The following PFKM variants were observed in gnomAD, a reference collection of about 807,000 sequenced individuals.
The protein encoded by PFKM is phosphofructokinase, muscle.
Under a neutral mutation model 95.5 loss-of-function variants are expected in PFKM, and 58 were observed. The observed-to-expected ratio is 0.61, with a 90% CI of 0.49 to 0.76. The LOEUF is 0.76. Among genes scored for constraint, PFKM ranks in the 30% least tolerant of loss-of-function variants. The pLI is 0.00. For synonymous variants in PFKM, 336 were observed against 357.2 expected, an observed-to-expected ratio of 0.94 and a Z score of 0.67; for missense variants, 678 against 1,005.4, an observed-to-expected ratio of 0.67 and a Z score of 4.40.
intron 13 of PFKM, 38 bp from the exon 14 acceptor site, chr12:48,140,684 G>A: frequency 6.2e-7 from 1 of 1,612,776 alleles, no homozygotes; most frequent in Non-Finnish European, 8.5e-7. Flanking sequence ...CCCCTGCTGG[G>A]TTTCTGTCCT....
At chr12:48,117,409 A>G (rs1565849615), upstream of PFKM, among the ~76,000 whole-genome samples, 2 of 152,254 alleles carry the variant, frequency 1.3e-5, no homozygotes, top group Admixed American at 1.3e-4. Context: ...AAAACTGTCA[A>G]ACTGTCTTCT....
intron 1 of PFKM, among the ~76,000 whole-genome samples, chr12:48,119,617 T>G (rs2137767809): frequency 7.0e-6 from 1 of 142,810 alleles, no homozygotes; most frequent in African/African-American, 2.6e-5. Flanking sequence ...CAGGCTCAGC[T>G]GCATTCCCCA....
At chr12:48,134,916 A>T in intron 8 of PFKM, 27 bp from the exon 9 acceptor site, 1 of 1,603,850 alleles carries the variant, frequency 6.2e-7, no homozygotes. Flanking sequence ...CATTCCATGG[A>T]CCATTTTACC....
rs909452508 is a variant in PFKM at position 48,139,992 on chromosome 12, TACA to T, written c.1191+84_1191+86del. On this transcript the variant is annotated intron_variant, in intron 13 of 22. Coordinates refer to ENST00000359794, the MANE Select transcript of PFKM (RefSeq NM_000289.6). ...TCTTCATAAATGCTACCACAGTCCA[TACA>T]ACATAAGCCTTGCCAACTTCTCTGC... 6 of 935,458 alleles carry T rather than the reference TACA, an allele frequency of 6.4e-6. No individual in the cohort carries two copies. The African/African-American group carries it at 9.7e-5, about 15-fold the overall frequency. 57.9% of individuals were successfully genotyped at this position (935,458 alleles called of 1,614,324 possible).
At chr12:48,127,095 T>G (rs1280307183) in intron 2 of PFKM, among the ~76,000 whole-genome samples, 1 of 152,216 alleles carries the variant, frequency 6.6e-6, no homozygotes, top group Non-Finnish European at 1.5e-5. Context: ...GCCCAAACTT[T>G]CAGGCCTTAC....
chr12:48,131,316 G>A lies in PFKM; in HGVS notation c.160G>A (p.Gly54Ser). The A allele has an allele frequency of 6.2e-7, 1 of 1,607,896 alleles. No individual in the cohort carries two copies. The highest frequency in any genetic ancestry group is 8.5e-7 in the Non-Finnish European group (1 of 1,174,390). The change falls in exon 4 of 23, where the codon GGT (glycine) becomes AGT (serine). Residue 54 changes from glycine to serine, a missense_variant and splice_region_variant. Physicochemically the swap from Gly to Ser is moderately conservative, Grantham distance 56. Coordinates refer to ENST00000359794, the MANE Select transcript of PFKM (RefSeq NM_000289.6). ...TGARVFFVHEGYQGLVDGGDH... is the reference protein window; with the variant it reads ...TGARVFFVHESYQGLVDGGDH... ...TGAACAGGTATAATGTGTCACACAG[G>A]GTTATCAAGGCCTGGTGGATGGTGG... is the stretch of plus-strand genomic sequence containing the variant.
At position 48,140,825 on chromosome 12, in the gene PFKM, G is replaced by A. The variant is rs374824469; in HGVS notation, c.1295G>A (p.Arg432Gln). ...AGGATTGGCCTTATCCAGGGCAACC[G>A]AGTGCTCGTTGTCCATGATGGTTTC... is the stretch of plus-strand genomic sequence containing the variant. The part of the protein sequence containing the change: ...TVRIGLIQGN[R>Q]VLVVHDGFEG... The change falls in exon 14 of 23, where the codon CGA becomes CAA. Residue 432 changes from arginine to glutamine, a missense_variant. Transcript: ENST00000359794. The A allele has an allele frequency of 3.7e-6, 6 of 1,614,106 alleles. No homozygotes were observed. In the Admixed American group the frequency reaches 5.0e-5, roughly 13 times the overall value.
upstream of PFKM, among the ~76,000 whole-genome samples, chr12:48,117,721 C>T (rs772889854): frequency 5.3e-5 from 8 of 152,088 alleles, no homozygotes; most frequent in Non-Finnish European, 1.0e-4. Flanking sequence ...AGAGATTTAT[C>T]CTGAGCCAAA....
intron 17 of PFKM, 104 bp from the exon 18 acceptor site, chr12:48,142,678 A>G: frequency 1.8e-6 from 2 of 1,127,752 alleles, no homozygotes; most frequent in Non-Finnish European, 2.7e-6. Context: ...CTGCTAGCCT[A>G]TGGAGAATAT....
intron 10 of PFKM, among the ~76,000 whole-genome samples, chr12:48,135,926 G>T (rs78575533): frequency 0.26 from 36,841 of 139,514 alleles, 4,812 homozygotes; most frequent in Non-Finnish European, 0.31. Context: ...CATTGCACTC[G>T]CTCCCAGGCT....
chr12:48,108,151 G>A (rs754534807), exon 3 of PFKM: 7 of 1,598,620 alleles, frequency 4.4e-6, no homozygotes, highest in Middle Eastern at 1.7e-4. Context: ...TAGATACTAT[G>A]GATGATCCAG....
At chr12:48,106,057 G>T in exon 1 of PFKM, 1 of 702,390 alleles carries the variant, frequency 1.4e-6, no homozygotes, top group Non-Finnish European at 2.6e-6. Context: ...ATGCGAAGGG[G>T]TTTCCGGCCG....
rs200117091 is a variant in PFKM at position 48,137,846 on chromosome 12, G to T, written c.1062G>T (p.Val354=). The change falls in exon 11 of 23, where the codon GTG becomes GTT. Residue 354 remains valine, a splice_region_variant and synonymous_variant. Transcript: ENST00000359794. The part of the protein sequence containing the change: ...VRLPLMECVQ[V]TKDVTKAMDE... Reference sequence around the variant, plus strand: ...TGCCCCTCATGGAATGTGTCCAGGTGGTAAGTACTGATCCTAAACCCCTTT... The same window carrying T: ...TGCCCCTCATGGAATGTGTCCAGGTTGTAAGTACTGATCCTAAACCCCTTT... 8.9e-5 allele frequency: 144 copies of T among 1,613,998 alleles called. 1 individual carries two copies. The highest frequency in any genetic ancestry group is 2.5e-6 in the Non-Finnish European group (3 of 1,179,998).
At chr12:48,116,744 G>T (rs1947717564), upstream of PFKM, among the ~76,000 whole-genome samples, 1 of 152,192 alleles carries the variant, frequency 6.6e-6, no homozygotes, top group South Asian at 2.1e-4. Flanking sequence ...CTCCCAAAGT[G>T]CTGGGATTAC....
At chr12:48,137,554 A>T (rs1950211403) in intron 10 of PFKM, 167 bp from the exon 11 acceptor site, 1 of 722,426 alleles carries the variant, frequency 1.4e-6, no homozygotes, top group Admixed American at 2.2e-5. Context: ...CAAGCTTTAG[A>T]TGAAATCTGT....
In PFKM at chr12:48,122,772, A is replaced by C; in HGVS notation, c.-3A>C. The C allele has an allele frequency of 6.2e-7, 1 of 1,614,032 alleles. No homozygotes were observed. The highest frequency in any genetic ancestry group is 8.5e-7 in the Non-Finnish European group (1 of 1,179,924). On this transcript the variant is annotated 5_prime_UTR_variant, in exon 2 of 23. Transcript: ENST00000359794. ...ACCATTGTCTTAAATTCTAGAGTGG[A>C]TCATGACCCATGAAGAGCACCATGC...
In PFKM at chr12:48,141,682, C is replaced by A. The variant is rs78496902; in HGVS notation, c.1413-58C>A. 15,862 of 1,296,390 alleles carry A rather than the reference C, an allele frequency of 0.012. 938 individuals are homozygous for A. The East Asian group carries it at 0.17, about 13-fold the overall frequency. The allele number at this position is 1,296,390 out of a possible 1,614,324, so 80.3% of individuals were successfully genotyped here. Reference sequence around the variant, plus strand: ...CTAGCTTTTCTCCCCCTCAATTTTCCTGTCTCTTCCCCAAATTCCAATTCC... The same window carrying A: ...CTAGCTTTTCTCCCCCTCAATTTTCATGTCTCTTCCCCAAATTCCAATTCC... On this transcript the variant is annotated intron_variant, in intron 15 of 22. Coordinates refer to ENST00000359794, the MANE Select transcript of PFKM (RefSeq NM_000289.6).
chr12:48,130,383 G>T lies in PFKM; in HGVS notation c.106G>T (p.Ala36Ser), dbSNP rs1949345783. 1 of 1,613,814 alleles carries T rather than the reference G, an allele frequency of 6.2e-7. No homozygotes were observed. Residue 36 changes from alanine to serine, a missense_variant, in exon 3 of 23, where the codon GCT (alanine) becomes TCT (serine). Transcript: ENST00000359794. Reference protein sequence around the residue: ...DAQGMNAAVRAVVRVGIFTGA... With the variant: ...DAQGMNAAVRSVVRVGIFTGA... ...TTCAGGTATGAATGCTGCTGTCAGG[G>T]CTGTGGTTCGAGTTGGTATCTTCAC...
intron 1 of PFKM, chr12:48,122,466 A>G (rs778130200): frequency 3.0e-6 from 2 of 658,404 alleles, no homozygotes; most frequent in African/African-American, 1.9e-5. Context: ...TATTCAGTCA[A>G]CTTCTCTTTT....
Sources: gnomAD v4.1 joint callset for allele counts (sites outside exome capture counted in the v4.1 genomes callset) on GRCh38, gnomAD v4.1.1 for gene constraint, MANE v1.5 for transcripts, NCBI Gene and HGNC (gene_info 2026-07-23, HGNC 2026-07-21) for gene names.